THBS4: variants seen among roughly 807,000 people sequenced by gnomAD.
THBS4 encodes the protein thrombospondin 4.
THBS4 carries 90 observed loss-of-function variants against 115.7 expected under a neutral mutation model. The ratio of observed to expected loss-of-function variants is 0.78; its 90% confidence interval spans 0.66 to 0.93. The LOEUF is 0.93. Ranked by LOEUF, THBS4 falls within the 40% of genes least tolerant of loss-of-function variation. The pLI, the probability that THBS4 is intolerant of heterozygous loss-of-function variation, is 0.00. For synonymous variants in THBS4, 460 were observed against 479.3 expected, an observed-to-expected ratio of 0.96 and a Z score of 0.53; for missense variants, 1,087 against 1,232.7, an observed-to-expected ratio of 0.88 and a Z score of 1.77.
chr5:80,025,055 A>G (rs366471), intron 2 of THBS4, among the ~76,000 whole-genome samples: 35,414 of 152,060 alleles, frequency 0.23, 4,533 homozygotes, highest in African/African-American at 0.34. Context: ...AATTATAACT[A>G]TGGCACTCAT....
intron 2 of THBS4, among the ~76,000 whole-genome samples, chr5:80,020,212 G>A (rs1486686701): frequency 3.9e-5 from 6 of 152,268 alleles, no homozygotes; most frequent in South Asian, 2.1e-4. Flanking sequence ...AGTGGCTCAC[G>A]CCTGTAATCC....
chr5:80,076,839 G>A lies in THBS4; in HGVS notation c.1893-16G>A. ...TGCTGAACTGTGAGCCACATCACCT[G>A]TCCTTTCTCCTGCAGTGATGGAGAT... On this transcript the variant is annotated splice_polypyrimidine_tract_variant and intron_variant, in intron 15 of 21. Transcript: ENST00000350881. 1.3e-6 allele frequency: 2 copies of A among 1,547,116 alleles called. No individual in the cohort carries two copies. The highest frequency in any genetic ancestry group is 1.7e-6 in the Non-Finnish European group (2 of 1,143,636).
At chr5:80,044,476 G>T (rs1473711401) in intron 2 of THBS4, among the ~76,000 whole-genome samples, 3 of 152,128 alleles carry the variant, frequency 2.0e-5, no homozygotes, top group Non-Finnish European at 4.4e-5. Context: ...AGGCTGGAGT[G>T]CAGTCGCTAG....
At chr5:80,005,038 A>G (rs1831988016) in intron 2 of THBS4, among the ~76,000 whole-genome samples, 1 of 148,186 alleles carries the variant, frequency 6.7e-6, no homozygotes, top group African/African-American at 2.6e-5. Context: ...ACGCCCAGCC[A>G]AAAAAAACAA....
At chr5:80,042,984 A>G (rs930606551) in intron 2 of THBS4, among the ~76,000 whole-genome samples, 2 of 152,118 alleles carry the variant, frequency 1.3e-5, no homozygotes, top group Non-Finnish European at 1.5e-5. Flanking sequence ...AAAGAAAAAA[A>G]AAATTAGAGG....
At chr5:80,004,941 T>C (rs1244889990) in intron 2 of THBS4, among the ~76,000 whole-genome samples, 2 of 152,108 alleles carry the variant, frequency 1.3e-5, no homozygotes, top group Admixed American at 6.5e-5. Context: ...TTTCGCCATG[T>C]TACCCAGGCT....
At chr5:80,025,492 C>T (rs1208175365) in intron 2 of THBS4, among the ~76,000 whole-genome samples, 5 of 152,156 alleles carry the variant, frequency 3.3e-5, no homozygotes, top group African/African-American at 4.8e-5. Context: ...CCCATGACCC[C>T]ACAAGCAACT....
At chr5:80,044,289 G>A (rs1466997464) in intron 2 of THBS4, among the ~76,000 whole-genome samples, 1 of 152,174 alleles carries the variant, frequency 6.6e-6, no homozygotes, top group Non-Finnish European at 1.5e-5. Flanking sequence ...CTTGTACATA[G>A]AAGTAGTTCA....
At chr5:80,030,798 G>C (rs1832571922), upstream of THBS4, among the ~76,000 whole-genome samples, 1 of 152,186 alleles carries the variant, frequency 6.6e-6, no homozygotes, top group Non-Finnish European at 1.5e-5. Flanking sequence ...GAGCCTCCAT[G>C]CCTGGCCCCT....
At chr5:80,082,637 C>T in intron 21 of THBS4, 92 bp downstream of exon 21, 1 of 1,498,256 alleles carries the variant, frequency 6.7e-7, no homozygotes, top group Non-Finnish European at 9.2e-7. Flanking sequence ...CCCCCAAAAG[C>T]CCAACGCTCA....
At chr5:80,021,578 C>G (rs1328232913) in intron 2 of THBS4, among the ~76,000 whole-genome samples, 1 of 151,938 alleles carries the variant, frequency 6.6e-6, no homozygotes, top group Non-Finnish European at 1.5e-5. Context: ...ACAGTCGTAG[C>G]TCACTATAGC....
In THBS4 at chr5:80,058,787, G is replaced by C; in HGVS notation, c.729G>C (p.Gln243His). Residue 243 changes from glutamine (Q) to histidine (H), a missense_variant, in exon 5 of 22, where the codon CAG becomes CAC. Around this residue, in one of 3 missense-constraint regions of THBS4, gnomAD observed 979 missense variants for 1,103.7 expected, o/e 0.89. Transcript: ENST00000350881. Reference sequence around the variant, plus strand: ...GAGAGGTGAAGGACCTTCTGAGACAGCAGGTAACAAGCGGGACATATCATC... The same window carrying C: ...GAGAGGTGAAGGACCTTCTGAGACACCAGGTAACAAGCGGGACATATCATC... ...LLGEVKDLLR[Q>H]QVKETSFLRN... 6.2e-7 allele frequency: 1 copy of C among 1,613,516 alleles called. No individual in the cohort carries two copies. The highest frequency in any genetic ancestry group is 8.5e-7 in the Non-Finnish European group (1 of 1,179,760).
intron 8 of THBS4, among the ~76,000 whole-genome samples, chr5:80,064,183 C>T (rs1833732152): frequency 6.6e-6 from 1 of 152,226 alleles, no homozygotes; most frequent in Non-Finnish European, 1.5e-5. Context: ...AAATTGCCTA[C>T]AGCAAATCAA....
chr5:80,068,501 A>G, intron 10 of THBS4: 1 of 236,504 alleles, frequency 4.2e-6, no homozygotes, highest in South Asian at 5.6e-5. Context: ...CTGCCTGTAT[A>G]ATGACAACAT....
intron 2 of THBS4, among the ~76,000 whole-genome samples, chr5:80,024,355 T>A (rs533939731): frequency 1.3e-5 from 2 of 152,324 alleles, no homozygotes; most frequent in South Asian, 4.1e-4. Flanking sequence ...TCATGCATCC[T>A]GGGAATCAGT....
intron 2 of THBS4, among the ~76,000 whole-genome samples, 160 bp downstream of exon 2, chr5:80,040,440 A>G (rs1321799752): frequency 9.2e-6 from 1 of 108,768 alleles, no homozygotes; most frequent in Non-Finnish European, 1.8e-5. Flanking sequence ...ACATTTACCT[A>G]TATTGGCGGG....
At chr5:80,061,366 G>A (rs942691354) in intron 7 of THBS4, among the ~76,000 whole-genome samples, 1 of 152,054 alleles carries the variant, frequency 6.6e-6, no homozygotes, top group African/African-American at 2.4e-5. Flanking sequence ...AGTGGTCCAG[G>A]GACATAGTCC....
At chr5:80,026,050 A>G (rs549545630) in intron 2 of THBS4, among the ~76,000 whole-genome samples, 46 of 152,324 alleles carry the variant, frequency 3.0e-4, no homozygotes, top group African/African-American at 1.1e-3. Flanking sequence ...CTACATACCA[A>G]TGGAATTTAA....
chr5:80,074,879 T>C (rs1743119173), intron 15 of THBS4, among the ~76,000 whole-genome samples: 1 of 152,086 alleles, frequency 6.6e-6, no homozygotes, highest in African/African-American at 2.4e-5. Context: ...TCCCAAAGTG[T>C]GCATCTCTTT....
Sources: gnomAD v4.1 joint callset for allele counts (sites outside exome capture counted in the v4.1 genomes callset) on GRCh38, gnomAD v4.1.1 for gene constraint, gnomAD v4.1.1 regional missense constraint, MANE v1.5 for transcripts, NCBI Gene and HGNC (gene_info 2026-07-23, HGNC 2026-07-21) for gene names.